GCC2: variants seen among roughly 807,000 people sequenced by gnomAD.
GCC2 encodes GRIP and coiled-coil domain-containing protein 2.
GCC2 carries 120 observed loss-of-function variants against 210.6 expected under a neutral mutation model. That is an observed-to-expected ratio of 0.57 (90% CI 0.49 to 0.66). The LOEUF (loss-of-function observed/expected upper bound fraction) is 0.66, where lower values mean the gene tolerates loss of function less well. Ranked by LOEUF, GCC2 falls within the 30% of genes least tolerant of loss-of-function variation. The pLI is 0.00. For missense variants in GCC2, 1,868 were observed against 1,871.9 expected (o/e 1.00, Z 0.04); for synonymous variants, 703 against 652.7 (o/e 1.08, Z -1.17).
intron 4 of GCC2, among the ~76,000 whole-genome samples, chr2:108,456,187 A>G (rs1205513063): frequency 6.6e-6 from 1 of 152,020 alleles, no homozygotes; most frequent in Non-Finnish European, 1.5e-5. Context: ...GGGTTTCACC[A>G]TATTAGCCAG....
Position 108,470,439 on chromosome 2 carries a change from A to G in GCC2, c.1110A>G (p.Gln370=), listed in dbSNP as rs746008880. Residue 370 remains glutamine (Q), a synonymous_variant, in exon 6 of 23, where the codon CAA becomes CAG. Coordinates refer to ENST00000309863, the MANE Select transcript of GCC2 (RefSeq NM_181453.4). ...NLKLKLEMDA[Q]HIKDEFFHER... is the part of the protein sequence containing the mutation. ...AGTTAAAACTTGAAATGGATGCTCA[A>G]CATATAAAGGATGAGTTTTTTCATG... 3.1e-6 allele frequency: 5 copies of G among 1,606,286 alleles called. No homozygotes were observed. The highest frequency in any genetic ancestry group is 1.3e-5 in the African/African-American group (1 of 74,896).
intron 18 of GCC2, among the ~76,000 whole-genome samples, chr2:108,491,389 T>G (rs1448512712): frequency 6.6e-6 from 1 of 152,224 alleles, no homozygotes; most frequent in Non-Finnish European, 1.5e-5. Flanking sequence ...TTCCTTTGCT[T>G]TCTGGGTAGA....
At chr2:108,496,092 T>C (rs551019062) in intron 20 of GCC2, 5 of 152,172 alleles carry the variant, frequency 3.3e-5, no homozygotes, top group African/African-American at 1.2e-4. Flanking sequence ...TTTTTTAAAA[T>C]AAAATGCTAG....
At chr2:108,450,023 G>T in intron 2 of GCC2, 1 of 247,870 alleles carries the variant, frequency 4.0e-6, no homozygotes, top group Non-Finnish European at 7.8e-6. Context: ...TGATCTGTGG[G>T]CTCCAGTTTC....
Position 108,471,255 on chromosome 2 carries a change from A to G in GCC2, c.1926A>G (p.Glu642=), listed in dbSNP as rs761764768. 6.2e-7 allele frequency: 1 copy of G among 1,609,346 alleles called. No individual in the cohort carries two copies. The highest frequency in any genetic ancestry group is 1.1e-5 in the South Asian group (1 of 89,678). The change falls in exon 6 of 23, where the codon GAA becomes GAG. Residue 642 remains glutamate (E), a synonymous_variant. Transcript: ENST00000309863. ...EQTIQYNSEL[E]QKVNELTGGL... ...CAATCCAGTACAACAGTGAACTAGAACAAAAGGTAAATGAATTAACAGGAG... is the reference window on the plus strand; with the variant it reads ...CAATCCAGTACAACAGTGAACTAGAGCAAAAGGTAAATGAATTAACAGGAG...
chr2:108,491,255 G>A (rs1346172993), intron 18 of GCC2, among the ~76,000 whole-genome samples: 1 of 152,126 alleles, frequency 6.6e-6, no homozygotes, highest in Non-Finnish European at 1.5e-5. Flanking sequence ...CAGATGGGGG[G>A]TTTAAGCGTT....
chr2:108,507,444 A>T, intron 22 of GCC2, 116 bp from the exon 23 acceptor site: 1 of 591,596 alleles, frequency 1.7e-6, no homozygotes, highest in Non-Finnish European at 2.6e-6. Flanking sequence ...TCAGTAAAAA[A>T]CACATTATTT....
At chr2:108,452,993 A>G (rs1214772957) in intron 4 of GCC2, among the ~76,000 whole-genome samples, 1 of 152,140 alleles carries the variant, frequency 6.6e-6, no homozygotes, top group Non-Finnish European at 1.5e-5. Context: ...CGCCCAGCCC[A>G]TATTTTCTAA....
At chr2:108,480,372 C>T (rs1206574494) in intron 9 of GCC2, among the ~76,000 whole-genome samples, 3 of 152,246 alleles carry the variant, frequency 2.0e-5, no homozygotes, top group African/African-American at 7.2e-5. Flanking sequence ...AACAGAAATA[C>T]CATTTGACCC....
At chr2:108,493,770 A>G (rs1336288682) in intron 19 of GCC2, 1 of 985,308 alleles carries the variant, frequency 1.0e-6, no homozygotes, top group East Asian at 1.1e-4. Flanking sequence ...GAAGAATTTA[A>G]CATATGCCAA....
At chr2:108,484,092 A>C in intron 12 of GCC2, 57 bp from the exon 13 acceptor site, 1 of 1,237,812 alleles carries the variant, frequency 8.1e-7, no homozygotes, top group South Asian at 1.7e-5. Flanking sequence ...TGAAAAAAAA[A>C]ATTTACAAAT....
intron 11 of GCC2, among the ~76,000 whole-genome samples, chr2:108,482,666 G>A (rs752661700): frequency 7.9e-5 from 12 of 152,142 alleles, no homozygotes; most frequent in East Asian, 3.9e-4. Flanking sequence ...GTATTTTAGC[G>A]TGTCAGATTT....
At chr2:108,458,061 A>G (rs762572087) in intron 4 of GCC2, among the ~76,000 whole-genome samples, 1 of 152,180 alleles carries the variant, frequency 6.6e-6, no homozygotes, top group Non-Finnish European at 1.5e-5. Context: ...TGAGTTTGTC[A>G]TATGTGGCCT....
At position 108,471,288 on chromosome 2, in the gene GCC2, G is replaced by A. The variant is rs1411624165; in HGVS notation, c.1959G>A (p.Glu653=). Reference sequence around the variant, plus strand: ...TAAATGAATTAACAGGAGGACTAGAGGAGACTTTAAAAGAAAAGGATCAAA... The same window carrying A: ...TAAATGAATTAACAGGAGGACTAGAAGAGACTTTAAAAGAAAAGGATCAAA... The part of the protein sequence containing the change: ...QKVNELTGGL[E]ETLKEKDQND... The change falls in exon 6 of 23, where the codon GAG becomes GAA. Residue 653 remains glutamate (E), a synonymous_variant. Transcript: ENST00000309863. 3 of 1,611,552 alleles carry A rather than the reference G, an allele frequency of 1.9e-6. No individual in the cohort carries two copies. The highest frequency in any genetic ancestry group is 1.1e-5 in the South Asian group (1 of 90,624).
intron 4 of GCC2, among the ~76,000 whole-genome samples, chr2:108,456,437 C>T (rs1680283955): frequency 6.6e-6 from 1 of 152,098 alleles, no homozygotes; most frequent in Admixed American, 6.5e-5. Flanking sequence ...TTGCATATCC[C>T]TGATGATTAG....
At chr2:108,455,991 TTTC>T (rs1165736871) in intron 4 of GCC2, among the ~76,000 whole-genome samples, 1 of 152,198 alleles carries the variant, frequency 6.6e-6, no homozygotes, top group Non-Finnish European at 1.5e-5. Context: ...CCCCAACTGT[TTTC>T]TTTTTTTTGA....
chr2:108,500,150 A>G (rs1040621949), intron 22 of GCC2, among the ~76,000 whole-genome samples: 12 of 98,688 alleles, frequency 1.2e-4, no homozygotes, highest in Non-Finnish European at 1.5e-4. Context: ...GCCTAAGACA[A>G]TGCAGTCATA....
At chr2:108,469,182 T>TGC (rs1681057178) in intron 5 of GCC2, 98 bp downstream of exon 5, 1 of 585,496 alleles carries the variant, frequency 1.7e-6, no homozygotes, top group Non-Finnish European at 2.9e-6. Flanking sequence ...ATCTGATTAA[T>TGC]ATTTTATAAT....
At chr2:108,464,261 G>A (rs546878111) in intron 4 of GCC2, among the ~76,000 whole-genome samples, 6 of 152,314 alleles carry the variant, frequency 3.9e-5, no homozygotes, top group South Asian at 2.1e-4. Flanking sequence ...AGCAGCTGCA[G>A]GCAGTGGAAT....
Sources: allele counts gnomAD v4.1 joint callset (sites outside exome capture counted in the v4.1 genomes callset), GRCh38; gene constraint gnomAD v4.1.1; transcripts MANE v1.5; gene names NCBI Gene and HGNC (gene_info 2026-07-23, HGNC 2026-07-21).